The following SV2C variants were observed in gnomAD, a reference collection of about 807,000 sequenced individuals.
The protein encoded by SV2C is solute carrier family 22 member B3.
A neutral mutation model predicts 79.7 loss-of-function variants in SV2C; 49 were observed. That is an observed-to-expected ratio of 0.61 (90% CI 0.49 to 0.78). The LOEUF is 0.78. Among genes scored for constraint, SV2C ranks in the 30% least tolerant of loss-of-function variants. SV2C has a pLI of 0.00. For synonymous variants in SV2C, 334 were observed against 333.2 expected, an observed-to-expected ratio of 1.00 and a Z score of -0.03; for missense variants, 833 against 912.9, an observed-to-expected ratio of 0.91 and a Z score of 1.13.
chr5:76,261,799 G>A lies in SV2C; in HGVS notation c.914-23363G>A, dbSNP rs187077831. On this transcript the variant is annotated intron_variant, in intron 4 of 12. Transcript: ENST00000502798. ...TGCTTCTCAGGGATGAAGCCGACTT[G>A]ATCGTGATGGATAAGCCTTTTCATG... 2.2e-3 allele frequency among the ~76,000 whole-genome samples: 336 copies of A among 152,296 alleles called. 1 individual carries two copies. The highest frequency in any genetic ancestry group is 4.2e-3 in the Non-Finnish European group (289 of 68,026).
intron 1 of SV2C, among the ~76,000 whole-genome samples, chr5:76,085,309 A>C (rs1747148079): frequency 6.6e-6 from 1 of 152,224 alleles, no homozygotes; most frequent in Admixed American, 6.5e-5. Context: ...AGAATGTCTT[A>C]CAAAACAATA....
At chr5:76,341,729 A>C (rs1749444915) in intron 12 of SV2C, among the ~76,000 whole-genome samples, 1 of 152,120 alleles carries the variant, frequency 6.6e-6, no homozygotes, top group Admixed American at 6.5e-5. Flanking sequence ...TTCTCACTAA[A>C]TCATAGCCGC....
At chr5:75,903,888 G>A in the SV2C span, among the ~76,000 whole-genome samples, 12 of 151,866 alleles carry the variant, frequency 7.9e-5, no homozygotes, top group Admixed American at 5.9e-4. Flanking sequence ...CTTTATCTTC[G>A]GAATTCTGTT....
At position 76,240,282 on chromosome 5, in the gene SV2C, T is replaced by C. The variant is rs573187089; in HGVS notation, c.913+30395T>C. 2.0e-5 allele frequency among the ~76,000 whole-genome samples: 3 copies of C among 152,348 alleles called. No individual in the cohort carries two copies. In the South Asian group the frequency reaches 6.2e-4, roughly 32 times the overall value. On this transcript the variant is annotated intron_variant, in intron 4 of 12. Transcript: ENST00000502798. The stretch of plus-strand genomic sequence containing the variant: ...TAATAATTACACAGCAGTTGTGTGA[T>C]AACTTCTGCTTAAAGCAGATGTATT...
At chr5:75,961,032 C>A in the SV2C span, among the ~76,000 whole-genome samples, 1 of 151,884 alleles carries the variant, frequency 6.6e-6, no homozygotes, top group African/African-American at 2.4e-5. Flanking sequence ...AAGCAAGAAT[C>A]CAAATGGAAG....
intron 4 of SV2C, among the ~76,000 whole-genome samples, chr5:76,284,591 T>G (rs13174383): frequency 0.14 from 21,375 of 152,116 alleles, 1,688 homozygotes; most frequent in African/African-American, 0.21. Flanking sequence ...TGACAAGAGC[T>G]GTGGCTGCTG....
At chr5:75,989,272 C>A in the SV2C span, among the ~76,000 whole-genome samples, 3 of 151,780 alleles carry the variant, frequency 2.0e-5, no homozygotes, top group African/African-American at 7.3e-5. Context: ...GTCCGACATC[C>A]ATTAGCTATT....
chr5:75,957,222 C>T, the SV2C span, among the ~76,000 whole-genome samples: 11 of 151,920 alleles, frequency 7.2e-5, no homozygotes, highest in Non-Finnish European at 1.2e-4. Flanking sequence ...GGAGTAAGAC[C>T]ACATTCTGAG....
At chr5:76,285,699 G>T in intron 5 of SV2C, 82 bp from the exon 6 acceptor site, 1 of 1,150,636 alleles carries the variant, frequency 8.7e-7, no homozygotes, top group South Asian at 1.4e-5. Flanking sequence ...CATTTGATCT[G>T]ACAATGCAAG....
At chr5:76,339,399 A>C (rs1236967191) in intron 12 of SV2C, among the ~76,000 whole-genome samples, 1 of 152,164 alleles carries the variant, frequency 6.6e-6, no homozygotes, top group East Asian at 1.9e-4. Flanking sequence ...GTGATTAGTA[A>C]TAGTTGTTTG....
chr5:76,285,983 T>C, intron 6 of SV2C, 113 bp downstream of exon 6: 1 of 846,118 alleles, frequency 1.2e-6, no homozygotes, highest in Non-Finnish European at 1.8e-6. Context: ...TTGACACAGC[T>C]ACTCAGCTCT....
At chr5:76,188,648 T>C (rs1383784612) in intron 2 of SV2C, among the ~76,000 whole-genome samples, 1 of 152,250 alleles carries the variant, frequency 6.6e-6, no homozygotes, top group Non-Finnish European at 1.5e-5. Context: ...CTCAGCACTA[T>C]TAATGAAAGA....
intron 6 of SV2C, 130 bp downstream of exon 6, chr5:76,286,000 G>A (rs1747345763): frequency 1.4e-6 from 1 of 719,212 alleles, no homozygotes; most frequent in Non-Finnish European, 2.3e-6. Flanking sequence ...CTCTGCCATT[G>A]TAGTGCAAAA....
chr5:76,016,509 GA>G, the SV2C span, among the ~76,000 whole-genome samples: 1 of 152,118 alleles, frequency 6.6e-6, no homozygotes, highest in Non-Finnish European at 1.5e-5. Flanking sequence ...TATAGATTCA[GA>G]TATTGAACTT....
chr5:76,122,182 G>T (rs1350255590), intron 1 of SV2C, among the ~76,000 whole-genome samples: 3 of 150,906 alleles, frequency 2.0e-5, no homozygotes, highest in African/African-American at 7.5e-5. Flanking sequence ...GTCTGTTATT[G>T]GTGTATAAGA....
At chr5:76,255,457 C>T (rs1024144616) in intron 4 of SV2C, among the ~76,000 whole-genome samples, 6 of 152,170 alleles carry the variant, frequency 3.9e-5, no homozygotes, top group African/African-American at 9.7e-5. Flanking sequence ...TGTCCCTTTC[C>T]TTTGTCCCTG....
chr5:75,957,570 C>T, the SV2C span, among the ~76,000 whole-genome samples: 3 of 152,008 alleles, frequency 2.0e-5, no homozygotes, highest in Non-Finnish European at 4.4e-5. Context: ...GCTATACTAA[C>T]TTTTCTGCTC....
intron 1 of SV2C, among the ~76,000 whole-genome samples, chr5:76,128,667 GAAT>G (rs1748786815): frequency 6.6e-6 from 1 of 152,150 alleles, no homozygotes; most frequent in Non-Finnish European, 1.5e-5. Flanking sequence ...TTAAATAAAA[GAAT>G]AAAACAATGT....
chr5:75,921,159 T>A, the SV2C span: 1 of 907,800 alleles, frequency 1.1e-6, no homozygotes, highest in Non-Finnish European at 1.8e-6. Context: ...ATGAGCAAGT[T>A]GTTGGAGATG....
Sources: allele counts gnomAD v4.1 joint callset (sites outside exome capture counted in the v4.1 genomes callset), GRCh38; gene constraint gnomAD v4.1.1; transcripts MANE v1.5; gene names NCBI Gene and HGNC (gene_info 2026-07-23, HGNC 2026-07-21).